Variants in RBM20 observed in about 807,000 individuals in gnomAD.
RBM20 encodes RNA-binding protein 20.
Under a neutral mutation model 110.1 loss-of-function variants are expected in RBM20, and 51 were observed. The ratio of observed to expected loss-of-function variants is 0.46; its 90% confidence interval spans 0.37 to 0.59. The LOEUF is 0.59. Among genes scored for constraint, RBM20 ranks in the 20% least tolerant of loss-of-function variants. The pLI is 0.00. For synonymous variants in RBM20, 589 were observed against 618.2 expected, an observed-to-expected ratio of 0.95 and a Z score of 0.70; for missense variants, 1,512 against 1,574.9, an observed-to-expected ratio of 0.96 and a Z score of 0.68.
intron 1 of RBM20, among the ~76,000 whole-genome samples, chr10:110,767,284 G>A (rs1198568049): frequency 1.4e-5 from 2 of 141,440 alleles, no homozygotes; most frequent in Non-Finnish European, 3.1e-5. Context: ...CCCAGTAGGG[G>A]CGGCCGGGCA....
At chr10:110,759,506 A>T (rs1755409157) in intron 1 of RBM20, among the ~76,000 whole-genome samples, 1 of 152,246 alleles carries the variant, frequency 6.6e-6, no homozygotes, top group Non-Finnish European at 1.5e-5. Flanking sequence ...TGGTTTTCTT[A>T]CATGCCATAT....
intron 1 of RBM20, among the ~76,000 whole-genome samples, chr10:110,766,318 T>TTTTTTTTG (rs1554897190): frequency 6.4e-4 from 96 of 149,266 alleles, no homozygotes; most frequent in South Asian, 1.9e-3. Context: ...ACTTTGTTTT[T>TTTTTTTTG]TTTTTTGTTT....
chr10:110,644,664 A>G lies in RBM20; in HGVS notation c.191+19A>G. 1 of 1,467,634 alleles carries G rather than the reference A, an allele frequency of 6.8e-7. No individual in the cohort carries two copies. 90.9% of individuals were successfully genotyped at this position (1,467,634 alleles called of 1,614,324 possible). The stretch of plus-strand genomic sequence containing the variant: ...TCCAAAAGTAAGAAGGGAGAAGGGA[A>G]CAGGGACCACGGGTGCGCCTGGGGA... On this transcript the variant is annotated intron_variant, in intron 1 of 13. Coordinates refer to ENST00000369519, the MANE Select transcript of RBM20 (RefSeq NM_001134363.3). The surrounding 1 kb of genome is among the most constrained non-coding windows in gnomAD (Gnocchi z 4.3).
chr10:110,781,312 A>G lies in RBM20; in HGVS notation c.703A>G (p.Ser235Gly). Residue 235 changes from serine (S) to glycine (G), a missense_variant, in exon 2 of 14, where the codon AGC becomes GGC. By Grantham distance (56) the Ser-to-Gly change is moderately conservative. This residue lies in a region of RBM20 where 1,149 missense variants were observed against 1,169.4 expected (regional missense o/e 0.98). Transcript: ENST00000369519. ...AGGATTCTATGAGTATGGCAAAGCC[A>G]GCTCTGGCCAGACATATGGCCCTGA... ...TAGFYEYGKA[S>G]SGQTYGPETD... is the part of the protein sequence containing the mutation. The G allele has an allele frequency of 6.4e-7, 1 of 1,551,736 alleles. No individual in the cohort carries two copies. Among genetic ancestry groups the G allele is most frequent in the South Asian group, 1.2e-5 (1 of 84,068 alleles).
At position 110,781,727 on chromosome 10, in the gene RBM20, A is replaced by G; in HGVS notation, c.1118A>G (p.Gln373Arg). 1 of 1,551,680 alleles carries G rather than the reference A, an allele frequency of 6.4e-7. No homozygotes were observed. Among genetic ancestry groups the G allele is most frequent in the Non-Finnish European group, 8.7e-7 (1 of 1,146,864 alleles). Reference sequence around the variant, plus strand: ...GGGGGTCGGCTTAACAACAGCAAACAGGGTTTTATCGGTGCTGGGCGGAGG... The same window carrying G: ...GGGGGTCGGCTTAACAACAGCAAACGGGGTTTTATCGGTGCTGGGCGGAGG... ...SFGGRLNNSKQGFIGAGRRAK... is the reference protein window; with the variant it reads ...SFGGRLNNSKRGFIGAGRRAK... The change falls in exon 2 of 14, where the codon CAG (glutamine) becomes CGG (arginine). Residue 373 changes from glutamine to arginine, a missense_variant. Physicochemically the swap from Gln to Arg is conservative, Grantham distance 43. Coordinates refer to ENST00000369519, the MANE Select transcript of RBM20 (RefSeq NM_001134363.3).
intron 6 of RBM20, among the ~76,000 whole-genome samples, chr10:110,798,933 G>A (rs1038433911): frequency 6.6e-6 from 1 of 152,190 alleles, no homozygotes; most frequent in Non-Finnish European, 1.5e-5. Context: ...CTGATGCACA[G>A]TCAAAACGGT....
At chr10:110,761,841 G>T (rs1844008996) in intron 1 of RBM20, among the ~76,000 whole-genome samples, 1 of 152,180 alleles carries the variant, frequency 6.6e-6, no homozygotes, top group Non-Finnish European at 1.5e-5. Flanking sequence ...TATTCATGGG[G>T]GCCAGGTGTG....
At chr10:110,777,511 C>T (rs1184022173) in intron 1 of RBM20, among the ~76,000 whole-genome samples, 1 of 152,166 alleles carries the variant, frequency 6.6e-6, no homozygotes, top group East Asian at 1.9e-4. Context: ...CACTTCTACT[C>T]AAGGTTGACT....
chr10:110,643,580 G>T (rs1861818792), upstream of RBM20, among the ~76,000 whole-genome samples: 3 of 152,202 alleles, frequency 2.0e-5, no homozygotes, highest in Admixed American at 2.0e-4. Context: ...TAAATAACAA[G>T]AATAAAATGT....
chr10:110,808,942 T>G (rs931455796), intron 7 of RBM20, among the ~76,000 whole-genome samples: 4 of 152,094 alleles, frequency 2.6e-5, no homozygotes, highest in Non-Finnish European at 5.9e-5. Context: ...TAGCTGGGCG[T>G]GGTGGTTCAT....
At chr10:110,798,519 T>A (rs1434203265) in intron 6 of RBM20, among the ~76,000 whole-genome samples, 1 of 152,206 alleles carries the variant, frequency 6.6e-6, no homozygotes, top group African/African-American at 2.4e-5. Context: ...GTCCCTAGAT[T>A]AGTATTATTC....
At chr10:110,703,293 G>T (rs1159035284) in intron 1 of RBM20, among the ~76,000 whole-genome samples, 1 of 151,398 alleles carries the variant, frequency 6.6e-6, no homozygotes, top group Non-Finnish European at 1.5e-5. Flanking sequence ...CAGGACAATC[G>T]CTTGACCCCA....
chr10:110,789,860 C>T (rs922338593), intron 5 of RBM20, among the ~76,000 whole-genome samples: 4 of 152,124 alleles, frequency 2.6e-5, no homozygotes, highest in African/African-American at 9.7e-5. Flanking sequence ...TCGTCATAAA[C>T]AGAGTAATCA....
At chr10:110,705,293 AT>A (rs144268616) in intron 1 of RBM20, among the ~76,000 whole-genome samples, 26,255 of 152,132 alleles carry the variant, frequency 0.17, 2,435 homozygotes, top group East Asian at 0.32. Flanking sequence ...AATTTTCTTG[AT>A]TTTTTTCTTC....
chr10:110,792,063 C>T (rs1844489867), intron 5 of RBM20, among the ~76,000 whole-genome samples: 1 of 152,174 alleles, frequency 6.6e-6, no homozygotes, highest in South Asian at 2.1e-4. Context: ...TCCCATATAA[C>T]TTTTGTCCAG....
chr10:110,767,334 T>TG (rs1417130579), intron 1 of RBM20, among the ~76,000 whole-genome samples: 1 of 98,476 alleles, frequency 1.0e-5, no homozygotes, highest in Non-Finnish European at 2.0e-5. Context: ...GCTAGCCGGG[T>TG]GGGGGGCTGA....
At chr10:110,680,414 A>G (rs773216844) in intron 1 of RBM20, among the ~76,000 whole-genome samples, 2 of 152,008 alleles carry the variant, frequency 1.3e-5, no homozygotes, top group Non-Finnish European at 2.9e-5. Flanking sequence ...GGTTTCCCCC[A>G]TCTCAGGGGT....
At chr10:110,703,466 C>T in intron 1 of RBM20, among the ~76,000 whole-genome samples, 1 of 152,024 alleles carries the variant, frequency 6.6e-6, no homozygotes, top group Non-Finnish European at 1.5e-5. Flanking sequence ...TGAGATTTCC[C>T]ATGTACCATT....
rs748814058 is a variant in RBM20, at chr10:110,812,833, T to A, written c.2436T>A (p.Thr812=). The change falls in exon 9 of 14, where the codon ACT becomes ACA. Residue 812 remains threonine, a synonymous_variant. Transcript: ENST00000369519. ...AAGATGGGCTGGGGCCAAAGGTCAC[T>A]AGGGCCCCTGAGGGCGCCAAGGCCA... ...GKEDGLGPKV[T]RAPEGAKAKQ... 4 of 1,538,092 alleles carry A rather than the reference T, an allele frequency of 2.6e-6. No individual in the cohort carries two copies. The highest frequency in any genetic ancestry group is 3.5e-6 in the Non-Finnish European group (4 of 1,140,114).
Sources: allele counts gnomAD v4.1 joint callset (sites outside exome capture counted in the v4.1 genomes callset), GRCh38; gene constraint gnomAD v4.1.1; regional missense constraint gnomAD v4.1.1; non-coding constraint Gnocchi (gnomAD v3.1); transcripts MANE v1.5; gene names NCBI Gene and HGNC (gene_info 2026-07-23, HGNC 2026-07-21).